The following PIK3C2G variants were observed in gnomAD, a reference collection of about 807,000 sequenced individuals.
PIK3C2G encodes the protein phosphatidylinositol-4-phosphate 3-kinase catalytic subunit type 2 gamma, also known as phosphatidylinositol 3-kinase C2 domain-containing subunit gamma.
A neutral mutation model predicts 181.1 loss-of-function variants in PIK3C2G; 168 were observed. That is an observed-to-expected ratio of 0.93 (90% CI 0.82 to 1.05). The LOEUF (loss-of-function observed/expected upper bound fraction) is 1.05. PIK3C2G is among the 50% of genes least tolerant of loss of function. The pLI, the probability that PIK3C2G is intolerant of heterozygous loss-of-function variation, is 0.00. For synonymous variants in PIK3C2G, 573 were observed against 592.2 expected, an observed-to-expected ratio of 0.97 and a Z score of 0.47; for missense variants, 1,869 against 1,732.8, an observed-to-expected ratio of 1.08 and a Z score of -1.40.
At chr12:18,712,835 T>C in the PIK3C2G span, 13 of 1,613,494 alleles carry the variant, frequency 8.1e-6, no homozygotes, top group Non-Finnish European at 1.1e-5. Flanking sequence ...CAAAGATATG[T>C]ACATACCATG....
intron 18 of PIK3C2G, among the ~76,000 whole-genome samples, chr12:18,469,174 C>T (rs567495696): frequency 6.6e-5 from 10 of 152,056 alleles, no homozygotes; most frequent in Admixed American, 5.3e-4. Flanking sequence ...TTGCTTCCTA[C>T]GTCAGTGTGA....
intron 23 of PIK3C2G, among the ~76,000 whole-genome samples, chr12:18,504,219 A>G (rs150341400): frequency 2.4e-3 from 373 of 152,330 alleles, no homozygotes; most frequent in Admixed American, 7.3e-3. Context: ...CCCAGAGTTC[A>G]TCTATTCCAC....
chr12:18,449,635 C>A (rs1947238212), intron 18 of PIK3C2G, among the ~76,000 whole-genome samples: 3 of 152,242 alleles, frequency 2.0e-5, no homozygotes, highest in Non-Finnish European at 2.9e-5. Context: ...TGAATTCATT[C>A]TTTTTTATGG....
rs114908414 is a variant in PIK3C2G, at chr12:18,577,885, T to C, written c.4011+10828T>C. Among the ~76,000 whole-genome samples, 1,151 of 152,270 alleles carry C rather than the reference T, an allele frequency of 7.6e-3. 12 individuals are homozygous for C. Among genetic ancestry groups the C allele is most frequent in the African/African-American group, 0.026 (1,086 of 41,548 alleles). The stretch of plus-strand genomic sequence containing the variant: ...AGCTGCCAAATCATCAAAAATTAAA[T>C]GTGGACAGTGAGGAGCCTCGGCGTA... On this transcript the variant is annotated intron_variant, in intron 29 of 32. Coordinates refer to ENST00000538779, the MANE Select transcript of PIK3C2G (RefSeq NM_001288772.2).
intron 30 of PIK3C2G, among the ~76,000 whole-genome samples, chr12:18,597,244 T>C (rs1008313469): frequency 1.3e-5 from 2 of 151,280 alleles, no homozygotes; most frequent in African/African-American, 2.4e-5. Context: ...GTTAGAAAGA[T>C]TGTGCACACT....
chr12:18,444,903 C>T (rs539584457), intron 18 of PIK3C2G, among the ~76,000 whole-genome samples: 1 of 152,128 alleles, frequency 6.6e-6, no homozygotes, highest in South Asian at 2.1e-4. Flanking sequence ...TTTGTCCTTA[C>T]CCATAATTAA....
intron 18 of PIK3C2G, among the ~76,000 whole-genome samples, chr12:18,455,686 C>T (rs1279335005): frequency 5.3e-5 from 8 of 152,072 alleles, no homozygotes; most frequent in African/African-American, 1.4e-4. Context: ...TGTCTTCTCA[C>T]TGTTTTCTCA....
chr12:18,429,457 A>G (rs1051912680), intron 18 of PIK3C2G, among the ~76,000 whole-genome samples: 6 of 152,178 alleles, frequency 3.9e-5, no homozygotes, highest in African/African-American at 1.2e-4. Context: ...TCACATCATC[A>G]GGAAGCTTTC....
intron 16 of PIK3C2G, among the ~76,000 whole-genome samples, chr12:18,408,598 G>A (rs1002961585): frequency 6.6e-6 from 1 of 152,062 alleles, no homozygotes; most frequent in Non-Finnish European, 1.5e-5. Flanking sequence ...CACAGCAAAA[G>A]AAACTATTAT....
At chr12:18,517,863 T>G (rs913969626) in intron 24 of PIK3C2G, among the ~76,000 whole-genome samples, 3 of 152,198 alleles carry the variant, frequency 2.0e-5, no homozygotes, top group Non-Finnish European at 4.4e-5. Flanking sequence ...ATATTGGGTG[T>G]GGGTCTGTCA....
chr12:18,581,755 A>T (rs555507007), intron 29 of PIK3C2G, among the ~76,000 whole-genome samples: 2 of 152,204 alleles, frequency 1.3e-5, no homozygotes, highest in East Asian at 3.9e-4. Context: ...AATACTGATA[A>T]TGCAGTTGTC....
the PIK3C2G span, chr12:18,693,989 A>C: frequency 6.7e-7 from 1 of 1,495,970 alleles, no homozygotes; most frequent in Non-Finnish European, 9.3e-7. Context: ...AGCTGGTCTG[A>C]TGGCCTTAAG....
intron 31 of PIK3C2G, among the ~76,000 whole-genome samples, chr12:18,629,141 C>T (rs1402472735): frequency 2.0e-5 from 3 of 152,168 alleles, no homozygotes; most frequent in African/African-American, 7.2e-5. Flanking sequence ...CATGGGTCAC[C>T]ATACGATGCC....
the PIK3C2G span, chr12:18,714,536 G>A: frequency 2.6e-5 from 4 of 152,204 alleles, no homozygotes; most frequent in Admixed American, 6.5e-5. Context: ...CTGAATCTGA[G>A]AGCTGACTTG....
chr12:18,471,868 C>A (rs137914181), intron 18 of PIK3C2G, among the ~76,000 whole-genome samples: 6 of 151,914 alleles, frequency 3.9e-5, no homozygotes, highest in African/African-American at 1.5e-4. Flanking sequence ...TAACATGTTA[C>A]CCATAGTCAA....
chr12:18,477,984 T>C (rs1939171294), intron 18 of PIK3C2G, among the ~76,000 whole-genome samples: 1 of 152,204 alleles, frequency 6.6e-6, no homozygotes, highest in Non-Finnish European at 1.5e-5. Context: ...ATTTTATTAT[T>C]AGTTTGCTAT....
chr12:18,713,197 T>C, the PIK3C2G span, among the ~76,000 whole-genome samples: 1 of 152,104 alleles, frequency 6.6e-6, no homozygotes. Flanking sequence ...AGTACAATAC[T>C]GTGTCTTTCT....
the PIK3C2G span, among the ~76,000 whole-genome samples, chr12:18,663,939 A>G: frequency 1.3e-5 from 2 of 152,310 alleles, no homozygotes; most frequent in East Asian, 3.9e-4. Flanking sequence ...TAGGCTATGG[A>G]CTTGAATAGA....
intron 31 of PIK3C2G, among the ~76,000 whole-genome samples, chr12:18,610,832 A>T (rs1948295202): frequency 6.6e-6 from 1 of 152,254 alleles, no homozygotes; most frequent in Admixed American, 6.5e-5. Flanking sequence ...AACAGAACTT[A>T]CATATGTACT....
Sources: allele counts gnomAD v4.1 joint callset (sites outside exome capture counted in the v4.1 genomes callset), GRCh38; gene constraint gnomAD v4.1.1; transcripts MANE v1.5; gene names NCBI Gene and HGNC (gene_info 2026-07-23, HGNC 2026-07-21).